Variants in TIAM1 observed in about 807,000 individuals in gnomAD.
TIAM1 encodes the protein TIAM Rac1 associated GEF 1.
Under a neutral mutation model 163.5 loss-of-function variants are expected in TIAM1, and 65 were observed. That is an observed-to-expected ratio of 0.40 (90% CI 0.33 to 0.49). The LOEUF is 0.49. TIAM1 is among the 20% of genes least tolerant of loss of function. The pLI is 0.77. For synonymous variants in TIAM1, 833 were observed against 810.1 expected (o/e 1.03, Z -0.48); for missense variants, 1,789 against 2,044.7 (o/e 0.87, Z 2.41).
At chr21:31,234,140 CT>C (rs2088601249) in intron 6 of TIAM1, among the ~76,000 whole-genome samples, 1 of 151,998 alleles carries the variant, frequency 6.6e-6, no homozygotes. Context: ...AAGGCAGAGA[CT>C]AAAGCACACA....
At chr21:31,549,382 C>T (rs958978815) in intron 1 of TIAM1, among the ~76,000 whole-genome samples, 1 of 151,950 alleles carries the variant, frequency 6.6e-6, no homozygotes, top group African/African-American at 2.4e-5. Flanking sequence ...AATTAAATGA[C>T]AACGCACAGA....
In TIAM1 at chr21:31,203,122, T is replaced by C. The variant is rs1185552052; in HGVS notation, c.2389-110A>G. Reference sequence around the variant, plus strand: ...TCCTATGACCAATAGAGTTTGTTGTTGTTGTTGTTGTTGTTTTGAGATGGA... The same window carrying C: ...TCCTATGACCAATAGAGTTTGTTGTCGTTGTTGTTGTTGTTTTGAGATGGA... On this transcript the variant is annotated intron_variant, in intron 11 of 27. Coordinates refer to ENST00000541036, the MANE Select transcript of TIAM1 (RefSeq NM_001353694.2). The C allele has an allele frequency of 1.6e-5, 14 of 894,562 alleles. No individual in the cohort carries two copies. The East Asian group carries it at 3.6e-4, about 23-fold the overall frequency. The allele number at this position is 894,562 out of a possible 1,614,324, so 55.4% of individuals were successfully genotyped here.
At chr21:31,465,634 G>A (rs1045827736) in intron 1 of TIAM1, among the ~76,000 whole-genome samples, 2 of 151,394 alleles carry the variant, frequency 1.3e-5, no homozygotes, top group African/African-American at 2.4e-5. Context: ...GCAGTGGTGC[G>A]ATCTTGGCTC....
chr21:31,321,633 G>A (rs1200359330), intron 2 of TIAM1, among the ~76,000 whole-genome samples: 1 of 152,040 alleles, frequency 6.6e-6, no homozygotes, highest in Non-Finnish European at 1.5e-5. Context: ...TTACAGGCGT[G>A]AGCCACCACA....
chr21:31,157,062 T>C (rs1300053246), intron 16 of TIAM1, among the ~76,000 whole-genome samples: 2 of 152,176 alleles, frequency 1.3e-5, no homozygotes, highest in Non-Finnish European at 2.9e-5. Flanking sequence ...CTAAACGGCA[T>C]AAAGAAACCA....
intron 2 of TIAM1, among the ~76,000 whole-genome samples, chr21:31,366,332 A>G (rs2076504509): frequency 6.6e-6 from 1 of 152,166 alleles, no homozygotes; most frequent in South Asian, 2.1e-4. Flanking sequence ...CCATGACCAC[A>G]CAGATGTTAC....
At chr21:31,387,203 T>C (rs1276084683) in intron 2 of TIAM1, among the ~76,000 whole-genome samples, 1 of 104,600 alleles carries the variant, frequency 9.6e-6, no homozygotes. Context: ...CTCTTTTTTT[T>C]TTTTTTTTTT....
intron 22 of TIAM1, 45 bp from the exon 23 acceptor site, chr21:31,136,086 A>G (rs777044844): frequency 6.7e-7 from 1 of 1,490,458 alleles, no homozygotes; most frequent in South Asian, 1.2e-5. Context: ...GGTGTTATCA[A>G]TACTCAGATT....
chr21:31,245,138 A>T (rs1210439174), intron 6 of TIAM1, among the ~76,000 whole-genome samples: 1 of 152,102 alleles, frequency 6.6e-6, no homozygotes, highest in East Asian at 1.9e-4. Context: ...TCATGTCTAA[A>T]AGAAGAAATT....
chr21:31,405,563 G>A (rs1450827703), intron 2 of TIAM1, among the ~76,000 whole-genome samples: 1 of 152,134 alleles, frequency 6.6e-6, no homozygotes, highest in Non-Finnish European at 1.5e-5. Context: ...GTTCCACATG[G>A]CTGGGGAGGC....
intron 1 of TIAM1, among the ~76,000 whole-genome samples, chr21:31,482,986 A>C (rs1178945466): frequency 6.6e-6 from 1 of 152,158 alleles, no homozygotes; most frequent in Non-Finnish European, 1.5e-5. Context: ...GAGGATACAG[A>C]GGCTCAGACA....
At chr21:31,392,935 C>T (rs942518911) in intron 2 of TIAM1, among the ~76,000 whole-genome samples, 2 of 149,792 alleles carry the variant, frequency 1.3e-5, no homozygotes, top group African/African-American at 5.0e-5. Flanking sequence ...TATACAGAAC[C>T]GTGAGCCAAA....
intron 4 of TIAM1, among the ~76,000 whole-genome samples, chr21:31,254,586 C>T (rs190581401): frequency 1.3e-5 from 2 of 152,266 alleles, no homozygotes; most frequent in East Asian, 3.9e-4. Flanking sequence ...GTCCCAGCTA[C>T]TCGGGAGGTT....
chr21:31,193,845 G>C (rs1260433767), intron 13 of TIAM1, among the ~76,000 whole-genome samples: 1 of 152,164 alleles, frequency 6.6e-6, no homozygotes, highest in African/African-American at 2.4e-5. Flanking sequence ...CAAAATGGCG[G>C]CTCCATCCTC....
intron 2 of TIAM1, among the ~76,000 whole-genome samples, chr21:31,442,072 T>TAAATAC (rs1350338587): frequency 9.7e-6 from 1 of 102,638 alleles, no homozygotes; most frequent in Non-Finnish European, 1.9e-5. Flanking sequence ...AATAAATAAA[T>TAAATAC]ATATATATAT....
At chr21:31,445,633 CT>C (rs2044594379) in intron 2 of TIAM1, among the ~76,000 whole-genome samples, 1 of 152,196 alleles carries the variant, frequency 6.6e-6, no homozygotes, top group African/African-American at 2.4e-5. Flanking sequence ...GGCACTCAAA[CT>C]GCAGGCAGTA....
chr21:31,482,934 T>C (rs1412709166), intron 1 of TIAM1, among the ~76,000 whole-genome samples: 4 of 152,184 alleles, frequency 2.6e-5, no homozygotes, highest in East Asian at 1.9e-4. Flanking sequence ...TATATAATCA[T>C]GGTCACACTG....
intron 2 of TIAM1, among the ~76,000 whole-genome samples, chr21:31,319,267 G>A (rs1472821261): frequency 1.3e-5 from 2 of 152,202 alleles, no homozygotes; most frequent in East Asian, 3.9e-4. Context: ...CTCAACTGGT[G>A]TACAAGTGCA....
chr21:31,509,770 T>A (rs1020135575), intron 1 of TIAM1, among the ~76,000 whole-genome samples: 4 of 152,044 alleles, frequency 2.6e-5, no homozygotes. Flanking sequence ...GGGCTGCATG[T>A]TTCTCTCTCA....
Sources: allele counts gnomAD v4.1 joint callset (sites outside exome capture counted in the v4.1 genomes callset), GRCh38; gene constraint gnomAD v4.1.1; transcripts MANE v1.5; gene names NCBI Gene and HGNC (gene_info 2026-07-23, HGNC 2026-07-21).